NECTIN1: variants seen among roughly 807,000 people sequenced by gnomAD.
The protein encoded by NECTIN1 is nectin cell adhesion molecule 1, also known as nectin-1.
In NECTIN1, 23 loss-of-function variants were observed where a neutral mutation model predicts 48.0. The ratio of observed to expected loss-of-function variants is 0.48; its 90% CI spans 0.34 to 0.68. NECTIN1 has a LOEUF of 0.68. Ranked by LOEUF, NECTIN1 falls within the 30% of genes least tolerant of loss-of-function variation. The pLI is 0.01. For synonymous variants in NECTIN1, 270 were observed against 288.9 expected (o/e 0.93, Z 0.66); for missense variants, 591 against 709.9 (o/e 0.83, Z 1.90).
At chr11:119,700,591 G>A (rs1183059398) in intron 1 of NECTIN1, among the ~76,000 whole-genome samples, 1 of 152,228 alleles carries the variant, frequency 6.6e-6, no homozygotes, top group African/African-American at 2.4e-5. Context: ...AGGCCTGGGG[G>A]TGGGACGGTG....
rs1247470039 is a variant in NECTIN1 at position 119,709,132 on chromosome 11, GAC to G, written c.79+19341_79+19342del. Among the ~76,000 whole-genome samples, 1 of 152,124 alleles carries G rather than the reference GAC, an allele frequency of 6.6e-6. No individual in the cohort carries two copies. The highest frequency in any genetic ancestry group is 1.5e-5 in the Non-Finnish European group (1 of 68,012). On this transcript the variant is annotated intron_variant, in intron 1 of 5. Coordinates refer to ENST00000264025, the MANE Select transcript of NECTIN1 (RefSeq NM_002855.5). The surrounding 1 kb of genome is among the most constrained non-coding windows in gnomAD (Gnocchi z 4.1). Reference sequence around the variant, plus strand: ...GGACCAGAGCGACAGACGGTCACCTGACAAGCCACACCACCTATTTTTGAAGA... The same window carrying G: ...GGACCAGAGCGACAGACGGTCACCTGAAGCCACACCACCTATTTTTGAAGA...
chr11:119,703,022 C>T (rs1050551882), intron 1 of NECTIN1, among the ~76,000 whole-genome samples: 1 of 152,248 alleles, frequency 6.6e-6, no homozygotes, highest in Admixed American at 6.5e-5. Context: ...AAAGCATATT[C>T]AGTGTCTGGC....
chr11:119,679,674 G>A (rs899836421), intron 1 of NECTIN1, among the ~76,000 whole-genome samples: 6 of 151,840 alleles, frequency 4.0e-5, no homozygotes, highest in Non-Finnish European at 2.9e-5. Flanking sequence ...ATTCAGCCAC[G>A]ATTTGCCGAG....
At chr11:119,701,439 G>C (rs1170127999) in intron 1 of NECTIN1, among the ~76,000 whole-genome samples, 4 of 152,242 alleles carry the variant, frequency 2.6e-5, no homozygotes, top group African/African-American at 7.2e-5. Context: ...GGGGTGTCTG[G>C]GGCTCAGAAC....
intron 5 of NECTIN1, among the ~76,000 whole-genome samples, chr11:119,649,206 C>G (rs11217373): frequency 0.06 from 9,156 of 152,184 alleles, 416 homozygotes; most frequent in Non-Finnish European, 0.096. Context: ...TGGTGAAACC[C>G]CGTCTCAACT....
chr11:119,638,874 G>C, intron 6 of NECTIN1: 1 of 1,374,726 alleles, frequency 7.3e-7, no homozygotes, highest in Non-Finnish European at 1.0e-6. Flanking sequence ...CAGGCCACCA[G>C]ACAGCTACCG....
At position 119,684,455 on chromosome 11, in the gene NECTIN1, G is replaced by A. The variant is rs1361688255; in HGVS notation, c.80-5690C>T. On this transcript the variant is annotated intron_variant, in intron 1 of 5. Coordinates refer to ENST00000264025, the MANE Select transcript of NECTIN1 (RefSeq NM_002855.5). The surrounding 1 kb of genome is among the most constrained non-coding windows in gnomAD (Gnocchi z 5.2). ...CCGCCATAAGGGCCTCTGTGAAATC[G>A]ATATCCTTCGGGATGCATTTCTAGG... Among the ~76,000 whole-genome samples, 2 of 152,212 alleles carry A rather than the reference G, an allele frequency of 1.3e-5. No individual in the cohort carries two copies. Among genetic ancestry groups the A allele is most frequent in the Non-Finnish European group, 1.5e-5 (1 of 68,040 alleles).
intron 5 of NECTIN1, among the ~76,000 whole-genome samples, chr11:119,648,289 A>ATGCTGGTGATGGTGGTGATGGTGATGG (rs1565376468): frequency 2.8e-4 from 3 of 10,762 alleles, no homozygotes; most frequent in African/African-American, 9.3e-4. Flanking sequence ...GGTGGTGGTG[A>ATGCTGGTGATGGTGGTGATGGTGATGG]TGGTGGTGGT....
chr11:119,696,341 C>T (rs1865340152), intron 1 of NECTIN1, among the ~76,000 whole-genome samples: 1 of 152,202 alleles, frequency 6.6e-6, no homozygotes, highest in African/African-American at 2.4e-5. Flanking sequence ...GGGCAGCACC[C>T]TACCCCCAGC....
chr11:119,715,602 C>A (rs1231804118), intron 1 of NECTIN1, among the ~76,000 whole-genome samples: 1 of 152,130 alleles, frequency 6.6e-6, no homozygotes, highest in African/African-American at 2.4e-5. Context: ...GTTATCTACC[C>A]GCCTCGGCCT....
chr11:119,698,010 G>A (rs568796663), intron 1 of NECTIN1, among the ~76,000 whole-genome samples: 8 of 152,350 alleles, frequency 5.3e-5, no homozygotes, highest in African/African-American at 1.2e-4. Context: ...AGCAAAAACC[G>A]GGGTTTTGGC....
At chr11:119,698,531 C>T (rs1242949154) in intron 1 of NECTIN1, among the ~76,000 whole-genome samples, 9 of 152,152 alleles carry the variant, frequency 5.9e-5, no homozygotes, top group Admixed American at 5.9e-4. Context: ...GGATCAGGTA[C>T]CAGGGCTGGG....
exon 8 of NECTIN1, chr11:119,638,138 G>A: frequency 6.2e-7 from 1 of 1,613,846 alleles, no homozygotes; most frequent in African/African-American, 1.3e-5. Context: ...CCTTACCGAG[G>A]GGTGGTAGGA....
intron 1 of NECTIN1, among the ~76,000 whole-genome samples, chr11:119,701,336 T>G (rs553733342): frequency 6.6e-6 from 1 of 152,290 alleles, no homozygotes; most frequent in East Asian, 1.9e-4. Flanking sequence ...TGAGCAGTGC[T>G]TGTCGCAGGC....
chr11:119,676,895 A>G (rs1864960281), intron 4 of NECTIN1: 1 of 611,462 alleles, frequency 1.6e-6, no homozygotes, highest in Admixed American at 2.5e-5. Flanking sequence ...AGCTTGTTCC[A>G]TTGACCTTGA....
intron 1 of NECTIN1, among the ~76,000 whole-genome samples, chr11:119,699,242 G>T (rs1479621904): frequency 1.3e-5 from 2 of 152,234 alleles, no homozygotes; most frequent in African/African-American, 4.8e-5. Context: ...CCCTAAGGAT[G>T]CAGGAAAACA....
chr11:119,638,333 C>G, intron 7 of NECTIN1: 1 of 1,506,524 alleles, frequency 6.6e-7, no homozygotes, highest in Non-Finnish European at 9.1e-7. Context: ...TGGATTGGGA[C>G]TCCTCAGTTC....
At position 119,677,798 on chromosome 11, in the gene NECTIN1, C is replaced by T; in HGVS notation, c.490G>A (p.Asp164Asn). The T allele has an allele frequency of 6.2e-7, 1 of 1,614,168 alleles. No individual in the cohort carries two copies. Among genetic ancestry groups the T allele is most frequent in the South Asian group, 1.1e-5 (1 of 91,076 alleles). Residue 164 changes from aspartate (D) to asparagine (N), a missense_variant, in exon 3 of 6, where the codon GAT becomes AAT. Transcript: ENST00000264025. The surrounding 1 kb of genome is among the most constrained non-coding windows in gnomAD (Gnocchi z 5.4). Reference sequence around the variant, plus strand: ...CAGGTGGCCACCAGGACCTTGTCATCCTGCCCCTTCTTGGCTCGAAGCACT... The same window carrying T: ...CAGGTGGCCACCAGGACCTTGTCATTCTGCCCCTTCTTGGCTCGAAGCACT... ...QAVLRAKKGQ[D>N]DKVLVATCTS...
At chr11:119,652,667 A>G (rs1175863159) in intron 5 of NECTIN1, among the ~76,000 whole-genome samples, 2 of 152,220 alleles carry the variant, frequency 1.3e-5, no homozygotes, top group Non-Finnish European at 2.9e-5. Flanking sequence ...ACTAAAAGAT[A>G]AAAGGACGGA....
Sources: allele counts gnomAD v4.1 joint callset (sites outside exome capture counted in the v4.1 genomes callset), GRCh38; gene constraint gnomAD v4.1.1; non-coding constraint Gnocchi (gnomAD v3.1); transcripts MANE v1.5; gene names NCBI Gene and HGNC (gene_info 2026-07-23, HGNC 2026-07-21).